BFAR: variants seen among roughly 807,000 people sequenced by gnomAD.
The protein encoded by BFAR is RING finger protein 47.
BFAR carries 52 observed loss-of-function variants against 54.4 expected under a neutral mutation model. The ratio of observed to expected loss-of-function variants is 0.96; its 90% CI spans 0.77 to 1.21. The LOEUF (loss-of-function observed/expected upper bound fraction) is 1.21. BFAR is among the 50% of genes most tolerant of loss of function. The probability of loss-of-function intolerance (pLI) is 0.00; values close to 1 mark genes in which losing one functional copy is unlikely to be tolerated. For missense variants in BFAR, 571 were observed against 534.0 expected (o/e 1.07, Z -0.68); for synonymous variants, 215 against 204.3 (o/e 1.05, Z -0.45).
chr16:14,656,678 G>A (rs1450999075), intron 5 of BFAR, among the ~76,000 whole-genome samples: 3 of 151,994 alleles, frequency 2.0e-5, no homozygotes, highest in East Asian at 3.8e-4. Context: ...AGTTATTCAC[G>A]GCAGCATTGT....
intron 1 of BFAR, among the ~76,000 whole-genome samples, chr16:14,639,007 G>A (rs550971608): frequency 1.3e-4 from 20 of 151,830 alleles, no homozygotes; most frequent in East Asian, 1.2e-3. Flanking sequence ...TTTAATAAAC[G>A]CAGTAAGAAT....
intron 1 of BFAR, among the ~76,000 whole-genome samples, chr16:14,639,502 T>A (rs1959556691): frequency 6.6e-6 from 1 of 152,006 alleles, no homozygotes; most frequent in Admixed American, 6.6e-5. Context: ...GAGATGGAGT[T>A]TCACCACGTT....
chr16:14,638,718 G>T (rs1422263274), intron 1 of BFAR, among the ~76,000 whole-genome samples: 1 of 152,138 alleles, frequency 6.6e-6, no homozygotes, highest in African/African-American at 2.4e-5. Context: ...GGCCAAGATG[G>T]GTGGATCACG....
At position 14,644,338 on chromosome 16, in the gene BFAR, T is replaced by C. The variant is rs1275311822; in HGVS notation, c.-9T>C. 1.2e-6 allele frequency: 2 copies of C among 1,609,564 alleles called. No individual in the cohort carries two copies. The highest frequency in any genetic ancestry group is 2.7e-5 in the African/African-American group (2 of 74,792). On this transcript the variant is annotated 5_prime_UTR_variant, in exon 2 of 8. Coordinates refer to ENST00000261658, the MANE Select transcript of BFAR (RefSeq NM_016561.3). ...TTTTATGTCTCTGGAACCCAGAATTTGCTAAGAGATGGAGGAACCTCAGAA... is the reference window on the plus strand; with the variant it reads ...TTTTATGTCTCTGGAACCCAGAATTCGCTAAGAGATGGAGGAACCTCAGAA...
chr16:14,637,466 C>T (rs777991519), intron 1 of BFAR, among the ~76,000 whole-genome samples: 6 of 152,008 alleles, frequency 3.9e-5, no homozygotes, highest in Admixed American at 6.6e-5. Flanking sequence ...ATTTTCTCAT[C>T]TGTAAAATGA....
intron 1 of BFAR, among the ~76,000 whole-genome samples, chr16:14,637,257 C>T (rs908668427): frequency 1.3e-5 from 2 of 152,116 alleles, no homozygotes; most frequent in Admixed American, 6.5e-5. Flanking sequence ...ATGATGTGGC[C>T]TAGATGATAA....
chr16:14,633,602 CT>C (rs1959334540), intron 1 of BFAR: 1 of 152,264 alleles, frequency 6.6e-6, no homozygotes, highest in Non-Finnish European at 1.5e-5. Context: ...GAACTCGGCT[CT>C]TCTGATTCTG....
chr16:14,640,945 G>C (rs2151835672), intron 1 of BFAR, among the ~76,000 whole-genome samples: 1 of 152,264 alleles, frequency 6.6e-6, no homozygotes, highest in Non-Finnish European at 1.5e-5. Context: ...TTTTTATTCA[G>C]AAACCTTAGC....
intron 4 of BFAR, among the ~76,000 whole-genome samples, chr16:14,652,215 G>T (rs1383931162): frequency 6.6e-6 from 1 of 151,658 alleles, no homozygotes; most frequent in Non-Finnish European, 1.5e-5. Flanking sequence ...TTGGAATAAG[G>T]GATACAGCAG....
intron 7 of BFAR, chr16:14,667,426 G>A (rs975944277): frequency 1.9e-6 from 1 of 525,478 alleles, no homozygotes; most frequent in African/African-American, 1.9e-5. Context: ...GCCCAGTGTG[G>A]GGGCAAAGAA....
At chr16:14,654,875 A>G (rs991447205) in intron 4 of BFAR, among the ~76,000 whole-genome samples, 191 bp from the exon 5 acceptor site, 4 of 152,190 alleles carry the variant, frequency 2.6e-5, no homozygotes, top group African/African-American at 4.8e-5. Flanking sequence ...ATGACTTATG[A>G]AAGTATTTAT....
At chr16:14,664,373 A>G (rs1762780900) in intron 6 of BFAR, among the ~76,000 whole-genome samples, 1 of 148,128 alleles carries the variant, frequency 6.8e-6, no homozygotes, top group Admixed American at 6.8e-5. Flanking sequence ...CCTGGGTAAC[A>G]GATCAAGACT....
chr16:14,664,865 T>G lies in BFAR; in HGVS notation c.958-4T>G. On this transcript the variant is annotated splice_polypyrimidine_tract_variant and splice_region_variant and intron_variant, in intron 6 of 7. Transcript: ENST00000261658. The stretch of plus-strand genomic sequence containing the variant: ...CTTTTTGCGTCTGTGTGTTATTTTT[T>G]AAGGATCTTAAGGAGCCTACGTGGA... 1 of 1,611,986 alleles carries G rather than the reference T, an allele frequency of 6.2e-7. No homozygotes were observed. The highest frequency in any genetic ancestry group is 1.1e-5 in the South Asian group (1 of 91,048).
chr16:14,652,344 G>A (rs376844052), intron 4 of BFAR, among the ~76,000 whole-genome samples: 3 of 151,396 alleles, frequency 2.0e-5, no homozygotes, highest in East Asian at 1.9e-4. Flanking sequence ...CAGTGGCAGC[G>A]ATCTCAGCTC....
At chr16:14,655,243 CT>C in intron 5 of BFAR, 33 bp downstream of exon 5, 2 of 939,438 alleles carry the variant, frequency 2.1e-6, no homozygotes, top group Non-Finnish European at 1.4e-6. Flanking sequence ...TTTTTTTTTA[CT>C]TTTTATTTTT....
chr16:14,648,659 A>C, intron 3 of BFAR, 67 bp downstream of exon 3: 1 of 1,123,512 alleles, frequency 8.9e-7, no homozygotes, highest in Non-Finnish European at 1.3e-6. Context: ...ATTTCCACTG[A>C]AGTCAGTTCT....
intron 4 of BFAR, among the ~76,000 whole-genome samples, chr16:14,654,493 CTTT>C (rs55673619): frequency 6.7e-5 from 6 of 89,170 alleles, no homozygotes; most frequent in African/African-American, 2.4e-4. Context: ...GTGAGTTTTC[CTTT>C]TTTTTTTTTT....
chr16:14,633,581 G>C (rs969148509), intron 1 of BFAR: 6 of 152,286 alleles, frequency 3.9e-5, no homozygotes, highest in Non-Finnish European at 8.8e-5. Flanking sequence ...AGTCACACTG[G>C]GGCCAGGCAA....
chr16:14,669,077 T>C lies in BFAR; in HGVS notation c.*1250T>C. 2.2e-6 allele frequency: 1 copy of C among 455,168 alleles called. No homozygotes were observed. The highest frequency in any genetic ancestry group is 4.4e-6 in the Non-Finnish European group (1 of 226,232). The allele number at this position is 455,168 out of a possible 1,614,324, so 28.2% of individuals were successfully genotyped here. ...AGATGTCATCTTGGAAGACAGGCCT[T>C]GCAGAAATAGGCCTACATCCAAAAT... On this transcript the variant is annotated 3_prime_UTR_variant, in exon 8 of 8. Coordinates refer to ENST00000261658, the MANE Select transcript of BFAR (RefSeq NM_016561.3).
Sources: gnomAD v4.1 joint callset for allele counts (sites outside exome capture counted in the v4.1 genomes callset) on GRCh38, gnomAD v4.1.1 for gene constraint, MANE v1.5 for transcripts, NCBI Gene and HGNC (gene_info 2026-07-23, HGNC 2026-07-21) for gene names.